REDIC1: variants seen among roughly 807,000 people sequenced by gnomAD.
REDIC1 encodes the protein regulator of DNA class I crossover intermediates 1.
At chr12:39,813,566 A>G in the REDIC1 span, among the ~76,000 whole-genome samples, 1 of 152,214 alleles carries the variant, frequency 6.6e-6, no homozygotes, top group Non-Finnish European at 1.5e-5. Flanking sequence ...AAAATTAACA[A>G]TAATTTCTTA....
the REDIC1 span, chr12:39,692,232 T>TG: frequency 2.1e-6 from 2 of 954,024 alleles, no homozygotes; most frequent in Non-Finnish European, 3.0e-6. Context: ...CATGGATATT[T>TG]TAGTACTACT....
chr12:39,652,109 T>G, the REDIC1 span, among the ~76,000 whole-genome samples: 153 of 152,298 alleles, frequency 1.0e-3, 2 homozygotes, highest in South Asian at 4.6e-3. Flanking sequence ...GGGTAGTATT[T>G]CATTGTATGG....
chr12:39,695,422 A>G, the REDIC1 span, among the ~76,000 whole-genome samples: 36 of 152,234 alleles, frequency 2.4e-4, 1 homozygote, highest in African/African-American at 8.2e-4. Context: ...AGCTGACTGA[A>G]GAACCCTTGG....
chr12:39,728,403 A>T, the REDIC1 span, among the ~76,000 whole-genome samples: 1 of 152,060 alleles, frequency 6.6e-6, no homozygotes. Context: ...TGAGATAATC[A>T]TGTGGTTTTT....
chr12:39,895,318 G>A, the REDIC1 span, among the ~76,000 whole-genome samples: 1,873 of 151,210 alleles, frequency 0.012, 35 homozygotes, highest in African/African-American at 0.042. Flanking sequence ...GGGAAATCCC[G>A]TCTCTACTAA....
At chr12:39,689,597 A>G in the REDIC1 span, among the ~76,000 whole-genome samples, 1 of 152,156 alleles carries the variant, frequency 6.6e-6, no homozygotes, top group South Asian at 2.1e-4. Flanking sequence ...GAATAAGAAC[A>G]AAAATTGTCA....
At chr12:39,767,290 T>G in the REDIC1 span, among the ~76,000 whole-genome samples, 1 of 116,690 alleles carries the variant, frequency 8.6e-6, no homozygotes, top group Non-Finnish European at 1.7e-5. Context: ...GCAGTAATAT[T>G]TTGAAAGGAA....
At chr12:39,721,450 A>G in the REDIC1 span, 1 of 513,488 alleles carries the variant, frequency 1.9e-6, no homozygotes, top group South Asian at 2.6e-5. Context: ...GTATATAGCC[A>G]TTTCCTTAAT....
chr12:39,703,946 A>C, the REDIC1 span, among the ~76,000 whole-genome samples: 1 of 152,172 alleles, frequency 6.6e-6, no homozygotes, highest in East Asian at 1.9e-4. Context: ...TAAAGACTTA[A>C]ACGTTAGACC....
the REDIC1 span, chr12:39,641,006 G>C: frequency 6.2e-7 from 1 of 1,607,010 alleles, no homozygotes; most frequent in Non-Finnish European, 8.5e-7. Flanking sequence ...TAAAGAAAAA[G>C]TGTTTTTATT....
the REDIC1 span, among the ~76,000 whole-genome samples, chr12:39,728,630 G>A: frequency 6.6e-6 from 1 of 152,074 alleles, no homozygotes; most frequent in Non-Finnish European, 1.5e-5. Flanking sequence ...GTCTCTGCCA[G>A]GTTTTGGTAT....
the REDIC1 span, chr12:39,754,114 G>A: frequency 6.6e-6 from 1 of 152,084 alleles, no homozygotes; most frequent in African/African-American, 2.4e-5. Context: ...TCCAAAGGAG[G>A]ACATAGAGGG....
the REDIC1 span, among the ~76,000 whole-genome samples, chr12:39,717,073 G>A: frequency 6.6e-6 from 1 of 150,866 alleles, no homozygotes; most frequent in Non-Finnish European, 1.5e-5. Context: ...TGCATTTATT[G>A]CCATTTACAA....
At chr12:39,738,372 A>G in the REDIC1 span, among the ~76,000 whole-genome samples, 6 of 152,210 alleles carry the variant, frequency 3.9e-5, no homozygotes, top group Admixed American at 3.9e-4. Context: ...TCATTTACGA[A>G]TTAGACAAAG....
At chr12:39,788,871 G>A in the REDIC1 span, among the ~76,000 whole-genome samples, 2 of 152,046 alleles carry the variant, frequency 1.3e-5, no homozygotes, top group African/African-American at 4.8e-5. Context: ...TCTACATGTA[G>A]CCATCTTATC....
chr12:39,706,163 T>C, the REDIC1 span, among the ~76,000 whole-genome samples: 1 of 152,164 alleles, frequency 6.6e-6, no homozygotes, highest in Non-Finnish European at 1.5e-5. Context: ...CATTTTTATA[T>C]GCCAACAGTG....
chr12:39,779,432 C>T, the REDIC1 span, among the ~76,000 whole-genome samples: 461 of 152,246 alleles, frequency 3.0e-3, 1 homozygote, highest in African/African-American at 0.011. Context: ...TTTTATGACC[C>T]TCACTAGATA....
At chr12:39,705,326 C>G in the REDIC1 span, among the ~76,000 whole-genome samples, 1 of 151,970 alleles carries the variant, frequency 6.6e-6, no homozygotes, top group Non-Finnish European at 1.5e-5. Flanking sequence ...AATAAAAAGT[C>G]TCCCAGGAAA....
chr12:39,777,774 G>A, the REDIC1 span, among the ~76,000 whole-genome samples: 5 of 152,332 alleles, frequency 3.3e-5, no homozygotes, highest in South Asian at 1.0e-3. Flanking sequence ...CATGGAGTTT[G>A]GCTGGGGCAG....
Sources: gnomAD v4.1 joint callset for allele counts (sites outside exome capture counted in the v4.1 genomes callset) on GRCh38, gnomAD v4.1.1 for gene constraint, MANE v1.5 for transcripts, NCBI Gene and HGNC (gene_info 2026-07-23, HGNC 2026-07-21) for gene names.